Variants in PLXNA4 observed in about 807,000 individuals in gnomAD.
PLXNA4 encodes plexin-A4.
A neutral mutation model predicts 191.8 loss-of-function variants in PLXNA4; 44 were observed. The observed-to-expected ratio is 0.23, with a 90% CI of 0.18 to 0.29. The LOEUF (loss-of-function observed/expected upper bound fraction) is 0.29, where lower values mean the gene tolerates loss of function less well. Among genes scored for constraint, PLXNA4 ranks in the 10% least tolerant of loss-of-function variants. The pLI is 1.00. For synonymous variants in PLXNA4, 1,082 were observed against 1,009.5 expected, an observed-to-expected ratio of 1.07 and a Z score of -1.36; for missense variants, 1,800 against 2,488.8, an observed-to-expected ratio of 0.72 and a Z score of 5.89.
chr7:132,561,562 C>T, intron 1 of PLXNA4, among the ~76,000 whole-genome samples: 1 of 117,332 alleles, frequency 8.5e-6, no homozygotes, highest in Non-Finnish European at 1.8e-5. Context: ...CCTCCTTCTC[C>T]TCCTCCTTTC....
At chr7:132,470,874 T>A (rs926061713) in intron 3 of PLXNA4, among the ~76,000 whole-genome samples, 1 of 152,222 alleles carries the variant, frequency 6.6e-6, no homozygotes, top group African/African-American at 2.4e-5. Context: ...TGGAAAGGCA[T>A]GAAGACCTGC....
chr7:132,464,594 C>T (rs964060500), intron 3 of PLXNA4, among the ~76,000 whole-genome samples: 1 of 152,178 alleles, frequency 6.6e-6, no homozygotes, highest in Non-Finnish European at 1.5e-5. Flanking sequence ...TGTCAAAATG[C>T]TTTGCAAAAT....
rs1794755793 is a variant in PLXNA4 at position 132,125,864 on chromosome 7, G to A, written c.*4615C>T. ...CCTTGAAGGCCTTGAAGAGCTGGCTGGGGCTGCTCACTGGGCTCACTGTTC... is the reference window on the plus strand; with the variant it reads ...CCTTGAAGGCCTTGAAGAGCTGGCTAGGGCTGCTCACTGGGCTCACTGTTC... On this transcript the variant is annotated 3_prime_UTR_variant, in exon 32 of 32. Coordinates refer to ENST00000321063, the MANE Select transcript of PLXNA4 (RefSeq NM_020911.2). 6.6e-6 allele frequency: 1 copy of A among 152,368 alleles called. No homozygotes were observed. Among genetic ancestry groups the A allele is most frequent in the African/African-American group, 2.4e-5 (1 of 41,438 alleles). 9.4% of individuals were successfully genotyped at this position (152,368 alleles called of 1,614,324 possible). A position where few individuals can be genotyped will look rare whatever the true frequency, so the allele number is the denominator to read the frequency against.
chr7:132,573,700 G>A (rs998856382), intron 1 of PLXNA4, among the ~76,000 whole-genome samples: 1 of 152,202 alleles, frequency 6.6e-6, no homozygotes, highest in Non-Finnish European at 1.5e-5. Flanking sequence ...CTCCAGAAAT[G>A]TCTGCAGTGT....
At chr7:132,579,427 G>A (rs1802358756), upstream of PLXNA4, among the ~76,000 whole-genome samples, 1 of 150,044 alleles carries the variant, frequency 6.7e-6, no homozygotes, top group Non-Finnish European at 1.5e-5. Context: ...GGTTGTATTT[G>A]TGTGTGTGTG....
At chr7:132,489,510 C>T (rs145563001) in intron 2 of PLXNA4, 36 bp from the exon 3 acceptor site, 27 of 1,485,604 alleles carry the variant, frequency 1.8e-5, no homozygotes, top group African/African-American at 2.8e-5. Context: ...TAGAAGGGAG[C>T]GTCAAGGAAA....
intron 3 of PLXNA4, among the ~76,000 whole-genome samples, chr7:132,478,888 A>G (rs1396554001): frequency 6.6e-6 from 1 of 151,980 alleles, no homozygotes; most frequent in Admixed American, 6.6e-5. Flanking sequence ...CAGAAAGACA[A>G]CCCATCTCTT....
intron 2 of PLXNA4, among the ~76,000 whole-genome samples, chr7:132,501,305 G>A (rs1178144581): frequency 6.6e-6 from 1 of 152,164 alleles, no homozygotes; most frequent in Admixed American, 6.5e-5. Context: ...GAAAGAATGG[G>A]TGTGTGCACA....
chr7:132,241,045 C>T (rs748653502), intron 5 of PLXNA4, 21 bp downstream of exon 5: 1 of 1,555,406 alleles, frequency 6.4e-7, no homozygotes, highest in South Asian at 1.2e-5. Flanking sequence ...AGGCACGAGG[C>T]AGCCTCCCCA....
intron 2 of PLXNA4, among the ~76,000 whole-genome samples, chr7:132,617,563 G>GC (rs893012045): frequency 6.6e-6 from 1 of 152,130 alleles, no homozygotes; most frequent in Admixed American, 6.6e-5. Flanking sequence ...AGCAAATAAG[G>GC]CAGTAATTAC....
At chr7:132,384,433 T>A (rs1320206943) in intron 3 of PLXNA4, 1 of 985,432 alleles carries the variant, frequency 1.0e-6, no homozygotes, top group African/African-American at 1.7e-5. Flanking sequence ...ACCGGCTCTA[T>A]GGGGGAATTA....
At chr7:132,171,584 T>C (rs539432469) in intron 21 of PLXNA4, among the ~76,000 whole-genome samples, 1 of 152,120 alleles carries the variant, frequency 6.6e-6, no homozygotes, top group Non-Finnish European at 1.5e-5. Context: ...ATGGGTTGGC[T>C]AGATAGCACA....
rs549490463 is a variant in PLXNA4, at chr7:132,637,162, C to T, written c.-87+8766G>A. On this transcript the variant is annotated intron_variant, in intron 2 of 4. Transcript: ENST00000378539. ...CTCCTTCACCCTTCTCTTTTTCTGT[C>T]TATCCCCTCCCCTATTCCTCATCCC... Among the ~76,000 whole-genome samples, 4 of 152,290 alleles carry T rather than the reference C, an allele frequency of 2.6e-5. No individual in the cohort carries two copies. The South Asian group carries it at 6.2e-4, about 24-fold the overall frequency.
chr7:132,291,853 G>A (rs1290866452), intron 4 of PLXNA4, among the ~76,000 whole-genome samples: 4 of 152,146 alleles, frequency 2.6e-5, no homozygotes, highest in African/African-American at 4.8e-5. Context: ...GGAGTGCAGT[G>A]GCATGATCTA....
At chr7:132,537,907 T>C (rs962606539) in intron 1 of PLXNA4, among the ~76,000 whole-genome samples, 4 of 152,212 alleles carry the variant, frequency 2.6e-5, no homozygotes, top group African/African-American at 9.6e-5. Flanking sequence ...ACGCTCAGCC[T>C]GGACACACAG....
At chr7:132,431,915 C>T (rs1254793043) in intron 3 of PLXNA4, among the ~76,000 whole-genome samples, 2 of 152,176 alleles carry the variant, frequency 1.3e-5, no homozygotes, top group African/African-American at 2.4e-5. Flanking sequence ...GATAGGACCT[C>T]GCCTCTCATA....
rs1236663568 is a variant in PLXNA4, at chr7:132,608,204, T to A, written c.-87+37724A>T. 5.8e-5 allele frequency among the ~76,000 whole-genome samples: 3 copies of A among 51,852 alleles called. No homozygotes were observed. The South Asian group carries it at 1.8e-3, about 31-fold the overall frequency. The allele number at this position is 51,852 out of a possible 152,430, so 34.0% of individuals were successfully genotyped here. On this transcript the variant is annotated intron_variant, in intron 2 of 4. Coordinates refer to the PLXNA4 transcript ENST00000378539. ...ATCACCATCACCACCATGGCCACCATGATCATCATCACTATCACCATCACC... is the reference window on the plus strand; with the variant it reads ...ATCACCATCACCACCATGGCCACCAAGATCATCATCACTATCACCATCACC...
intron 3 of PLXNA4, among the ~76,000 whole-genome samples, chr7:132,395,187 T>C (rs1014884320): frequency 6.6e-6 from 1 of 151,606 alleles, no homozygotes; most frequent in Non-Finnish European, 1.5e-5. Context: ...AGGTCTGGAC[T>C]GGAGTGGAAG....
intron 3 of PLXNA4, among the ~76,000 whole-genome samples, chr7:132,327,992 C>T (rs902436710): frequency 2.0e-5 from 3 of 152,180 alleles, no homozygotes; most frequent in African/African-American, 2.4e-5. Context: ...AGGAAACCAG[C>T]GGCAGGGTGC....
Sources: gnomAD v4.1 joint callset for allele counts (sites outside exome capture counted in the v4.1 genomes callset) on GRCh38, gnomAD v4.1.1 for gene constraint, MANE v1.5 for transcripts, NCBI Gene and HGNC (gene_info 2026-07-23, HGNC 2026-07-21) for gene names.